Variants in TASP1 observed in about 807,000 individuals in gnomAD.
TASP1 encodes taspase 1.
Under a neutral mutation model 56.6 loss-of-function variants are expected in TASP1, and 16 were observed. The ratio of observed to expected loss-of-function variants is 0.28; its 90% CI spans 0.19 to 0.43. The LOEUF (loss-of-function observed/expected upper bound fraction) is 0.43. Ranked by LOEUF, TASP1 falls within the 20% of genes least tolerant of loss-of-function variation. TASP1 has a pLI of 1.00. For missense variants in TASP1, 393 were observed against 511.6 expected, an observed-to-expected ratio of 0.77 and a Z score of 2.24; for synonymous variants, 179 against 184.2, an observed-to-expected ratio of 0.97 and a Z score of 0.23.
intron 5 of TASP1, among the ~76,000 whole-genome samples, chr20:13,581,450 T>TG (rs1245070782): frequency 6.6e-6 from 1 of 152,054 alleles, no homozygotes; most frequent in Non-Finnish European, 1.5e-5. Context: ...GAAAAATTAA[T>TG]GGGGGAAAAA....
At chr20:13,218,317 C>T in the TASP1 span, among the ~76,000 whole-genome samples, 1 of 150,820 alleles carries the variant, frequency 6.6e-6, no homozygotes, top group Non-Finnish European at 1.5e-5. Context: ...CAGATAATCA[C>T]TCAGGATGTT....
At chr20:13,638,456 C>T (rs1312153719) in intron 1 of TASP1, among the ~76,000 whole-genome samples, 1 of 152,044 alleles carries the variant, frequency 6.6e-6, no homozygotes, top group Non-Finnish European at 1.5e-5. Flanking sequence ...TGCTAACGAC[C>T]CGCAGGACTC....
At chr20:13,164,339 C>A in the TASP1 span, 8 of 471,744 alleles carry the variant, frequency 1.7e-5, no homozygotes, top group Admixed American at 1.9e-4. Flanking sequence ...CGCAACATTC[C>A]TCTTTGTTCT....
chr20:13,424,321 C>G (rs936353722), intron 12 of TASP1, among the ~76,000 whole-genome samples: 4 of 152,124 alleles, frequency 2.6e-5, no homozygotes, highest in Non-Finnish European at 5.9e-5. Context: ...TTTAAAATCT[C>G]AGTAAAAGAG....
chr20:13,319,401 G>A, the TASP1 span, among the ~76,000 whole-genome samples: 12 of 152,138 alleles, frequency 7.9e-5, no homozygotes, highest in African/African-American at 2.9e-4. Flanking sequence ...CAGAGACACA[G>A]GACCCACTGA....
chr20:13,289,504 A>G, the TASP1 span, among the ~76,000 whole-genome samples: 2 of 152,222 alleles, frequency 1.3e-5, no homozygotes, highest in African/African-American at 4.8e-5. Flanking sequence ...AGAGTCAACA[A>G]TAATTGTGAT....
the TASP1 span, among the ~76,000 whole-genome samples, chr20:13,347,858 TG>T: frequency 0.031 from 4,588 of 148,264 alleles, 232 homozygotes; most frequent in African/African-American, 0.1. Flanking sequence ...AAAAAAAAAA[TG>T]GATAATTTTT....
At chr20:13,412,529 G>GT (rs1485036925) in intron 13 of TASP1, among the ~76,000 whole-genome samples, 5 of 152,140 alleles carry the variant, frequency 3.3e-5, no homozygotes, top group Non-Finnish European at 5.9e-5. Flanking sequence ...TAGAAGTGGA[G>GT]TTTCTTTGCA....
intron 11 of TASP1, among the ~76,000 whole-genome samples, chr20:13,448,974 T>C (rs1180564245): frequency 6.6e-6 from 1 of 152,124 alleles, no homozygotes; most frequent in African/African-American, 2.4e-5. Context: ...GGTATATTTT[T>C]AGGTCAATTA....
chr20:13,555,382 T>TA (rs59279659), intron 8 of TASP1, among the ~76,000 whole-genome samples: 2,293 of 99,352 alleles, frequency 0.023, 55 homozygotes, highest in Non-Finnish European at 0.026. Flanking sequence ...AGACTCCCTC[T>TA]AAAAAAAAAA....
At chr20:13,264,896 G>T in the TASP1 span, among the ~76,000 whole-genome samples, 1 of 152,166 alleles carries the variant, frequency 6.6e-6, no homozygotes, top group Admixed American at 6.5e-5. Flanking sequence ...TGAGGAAGGA[G>T]GGATGAGATC....
the TASP1 span, among the ~76,000 whole-genome samples, chr20:13,172,297 A>T: frequency 6.6e-6 from 1 of 152,094 alleles, no homozygotes; most frequent in East Asian, 1.9e-4. Flanking sequence ...TTCAGCTAGA[A>T]AAAAAATTTT....
At chr20:13,179,401 A>ATG in the TASP1 span, among the ~76,000 whole-genome samples, 1 of 108,236 alleles carries the variant, frequency 9.2e-6, no homozygotes, top group African/African-American at 3.7e-5. Context: ...AAGTAGAATT[A>ATG]TGTGCGTGTG....
At chr20:13,279,502 T>C in the TASP1 span, 2 of 862,390 alleles carry the variant, frequency 2.3e-6, no homozygotes, top group African/African-American at 1.7e-5. Context: ...TGTATCGCCA[T>C]GCAATCTCAG....
chr20:13,522,234 T>C (rs969367742), intron 10 of TASP1, among the ~76,000 whole-genome samples: 1 of 152,146 alleles, frequency 6.6e-6, no homozygotes, highest in Non-Finnish European at 1.5e-5. Context: ...GGAAGTGGCT[T>C]AACATTTCAA....
intron 5 of TASP1, among the ~76,000 whole-genome samples, chr20:13,584,515 CTAAAAT>C (rs1315270642): frequency 7.6e-6 from 1 of 131,602 alleles, no homozygotes; most frequent in African/African-American, 3.0e-5. Context: ...ATAAGAGAAA[CTAAAAT>C]TAAAACTAAT....
chr20:13,338,345 G>A, the TASP1 span, among the ~76,000 whole-genome samples: 6 of 152,088 alleles, frequency 3.9e-5, no homozygotes, highest in Admixed American at 1.3e-4. Context: ...CACTTTCATC[G>A]CCATCTTGGT....
the TASP1 span, chr20:13,270,715 A>AT: frequency 1.2e-6 from 2 of 1,613,918 alleles, no homozygotes; most frequent in Non-Finnish European, 1.7e-6. Flanking sequence ...TCCAAAGCTG[A>AT]TATCAATGGG....
rs1189983096 is a variant in TASP1 at position 13,419,610 on chromosome 20, CTG to C, written c.1097-2091_1097-2090del. ...AAACTGCATTGCTCAACACTAAACC[CTG>C]TCCCCCAGGCCATCCATCTGTTTAT... On this transcript the variant is annotated intron_variant, in intron 12 of 13. Coordinates refer to ENST00000337743, the MANE Select transcript of TASP1 (RefSeq NM_017714.3). Among the ~76,000 whole-genome samples, 3 of 152,160 alleles carry C rather than the reference CTG, an allele frequency of 2.0e-5. 1 individual carries two copies. The highest frequency in any genetic ancestry group is 7.2e-5 in the African/African-American group (3 of 41,432).
Sources: gnomAD v4.1 joint callset for allele counts (sites outside exome capture counted in the v4.1 genomes callset) on GRCh38, gnomAD v4.1.1 for gene constraint, MANE v1.5 for transcripts, NCBI Gene and HGNC (gene_info 2026-07-23, HGNC 2026-07-21) for gene names.